The following DYNC1H1 variants were observed in gnomAD, a reference collection of about 807,000 sequenced individuals.
The protein encoded by DYNC1H1 is dynein cytoplasmic 1 heavy chain 1.
A neutral mutation model predicts 527.1 loss-of-function variants in DYNC1H1; 51 were observed. The ratio of observed to expected loss-of-function variants is 0.10; its 90% confidence interval spans 0.08 to 0.12. The LOEUF (loss-of-function observed/expected upper bound fraction) is 0.12, where lower values mean the gene tolerates loss of function less well. Ranked by LOEUF, DYNC1H1 falls within the 10% of genes least tolerant of loss-of-function variation. DYNC1H1 has a pLI of 1.00. For synonymous variants in DYNC1H1, 2,189 were observed against 2,278.8 expected, an observed-to-expected ratio of 0.96 and a Z score of 1.12; for missense variants, 2,771 against 5,971.8, an observed-to-expected ratio of 0.46 and a Z score of 17.66.
intron 42 of DYNC1H1, 62 bp from the exon 43 acceptor site, chr14:102,022,689 A>T: frequency 6.2e-7 from 1 of 1,612,058 alleles, no homozygotes; most frequent in Non-Finnish European, 8.5e-7. Flanking sequence ...AAACATGGTG[A>T]ACATGGTGCT....
chr14:101,968,132 G>T (rs2047688325), intron 1 of DYNC1H1, among the ~76,000 whole-genome samples: 1 of 152,158 alleles, frequency 6.6e-6, no homozygotes, highest in African/African-American at 2.4e-5. Context: ...GTTCGGTGGG[G>T]TATGCTTCAG....
chr14:102,028,254 G>A (rs1008550755), intron 48 of DYNC1H1, 113 bp downstream of exon 48: 89 of 1,284,094 alleles, frequency 6.9e-5, no homozygotes, highest in Non-Finnish European at 8.9e-5. Context: ...ACTCATGCCT[G>A]TAATCCCAGC....
chr14:101,984,424 T>TGTGG (rs2047906148), intron 7 of DYNC1H1, among the ~76,000 whole-genome samples: 1 of 133,632 alleles, frequency 7.5e-6, no homozygotes, highest in African/African-American at 3.0e-5. Context: ...TGTGTGTGTG[T>TGTGG]GTGTGTGTAT....
At chr14:102,034,640 T>C (rs2048550537) in intron 56 of DYNC1H1, 188 bp downstream of exon 56, 6 of 959,488 alleles carry the variant, frequency 6.3e-6, no homozygotes, top group Admixed American at 6.2e-5. Context: ...GTCTGAGTTA[T>C]TCTGCAGTGA....
rs986073091 is a variant in DYNC1H1, at chr14:102,038,138, C to A, written c.10909-322C>A. 7.8e-6 allele frequency: 3 copies of A among 384,712 alleles called. No individual in the cohort carries two copies. The highest frequency in any genetic ancestry group is 6.3e-5 in the African/African-American group (3 of 47,856). The allele number at this position is 384,712 out of a possible 1,614,324, so 23.8% of individuals were successfully genotyped here. On this transcript the variant is annotated intron_variant, in intron 57 of 77. Coordinates refer to ENST00000360184, the MANE Select transcript of DYNC1H1 (RefSeq NM_001376.5). The surrounding 1 kb of genome is among the most constrained non-coding windows in gnomAD (Gnocchi z 7.2). ...GACTACAGGCATGTGCCATACACCC[C>A]CAGCTAACTTTCGTATTTTTAGTAG...
intron 13 of DYNC1H1, 54 bp from the exon 14 acceptor site, chr14:101,994,932 A>T: frequency 6.2e-7 from 1 of 1,613,444 alleles, no homozygotes; most frequent in Non-Finnish European, 8.5e-7. Context: ...TTTGAAGGAT[A>T]AACACGCCAG....
chr14:102,041,918 ATCT>A lies in DYNC1H1; in HGVS notation c.12103-91_12103-89del, dbSNP rs2048655806. The A allele has an allele frequency of 4.0e-6, 6 of 1,512,108 alleles. No individual in the cohort carries two copies. The highest frequency in any genetic ancestry group is 2.3e-5 in the South Asian group (2 of 86,614). 93.7% of individuals were successfully genotyped at this position (1,512,108 alleles called of 1,614,324 possible). On this transcript the variant is annotated intron_variant, in intron 65 of 77. Transcript: ENST00000360184. The surrounding 1 kb of genome is among the most constrained non-coding windows in gnomAD (Gnocchi z 4.5). The stretch of plus-strand genomic sequence containing the variant: ...CCACACCTCTGGGCCCAGAAAGAAC[ATCT>A]TCTCAGGCCCCTCACTCGGGGCTCT...
At chr14:101,988,101 A>T (rs2047956495) in intron 9 of DYNC1H1, among the ~76,000 whole-genome samples, 1 of 152,200 alleles carries the variant, frequency 6.6e-6, no homozygotes, top group Non-Finnish European at 1.5e-5. Flanking sequence ...AAATTATGAT[A>T]CTACATGTCA....
rs560799807 is a variant in DYNC1H1, at chr14:102,003,936, A to G, written c.4884-582A>G. ...GCAAGACTCCATCTCAAAAAATAAA[A>G]AAGAGTTAATAAAGTAACTTACTGG... On this transcript the variant is annotated intron_variant, in intron 23 of 77. Coordinates refer to ENST00000360184, the MANE Select transcript of DYNC1H1 (RefSeq NM_001376.5). Among the ~76,000 whole-genome samples the G allele has an allele frequency of 6.4e-4, 92 of 143,846 alleles. No individual in the cohort carries two copies. The South Asian group carries it at 0.014, about 21-fold the overall frequency. 94.4% of individuals were successfully genotyped at this position (143,846 alleles called of 152,430 possible). A position where few individuals can be genotyped will look rare whatever the true frequency, so the allele number is the denominator to read the frequency against.
chr14:101,980,083 G>C (rs2047845994), intron 4 of DYNC1H1, 109 bp downstream of exon 4: 3 of 1,524,788 alleles, frequency 2.0e-6, no homozygotes, highest in Admixed American at 3.7e-5. Context: ...ACTTGTTAGT[G>C]GTGCCGCCTC....
Position 101,985,218 on chromosome 14 carries a change from T to C in DYNC1H1, c.1462-469T>C, listed in dbSNP as rs190953746. On this transcript the variant is annotated intron_variant, in intron 7 of 77. Transcript: ENST00000360184. This position sits in a 1 kb window ranked among gnomAD's most constrained non-coding sequence, Gnocchi z 5.9. Reference sequence around the variant, plus strand: ...ATTTAGTCTCTTTTTCAGAGAGTCCTTCTCTGTAAAACATGGATAGTAATT... The same window carrying C: ...ATTTAGTCTCTTTTTCAGAGAGTCCCTCTCTGTAAAACATGGATAGTAATT... 1.5e-3 allele frequency among the ~76,000 whole-genome samples: 232 copies of C among 152,334 alleles called. No individual in the cohort carries two copies. The highest frequency in any genetic ancestry group is 5.3e-3 in the African/African-American group (222 of 41,590).
Position 102,015,372 on chromosome 14 carries a change from T to C in DYNC1H1, c.7242+40T>C, listed in dbSNP as rs2048308518. On this transcript the variant is annotated intron_variant, in intron 35 of 77. Transcript: ENST00000360184. This position sits in a 1 kb window ranked among gnomAD's most constrained non-coding sequence, Gnocchi z 6.9. ...GACCCCACATATCATGACCTGAGGG[T>C]GCTAGGATATTCAGATGTGGTCTCG... 6.4e-7 allele frequency: 1 copy of C among 1,565,186 alleles called. No individual in the cohort carries two copies. Among genetic ancestry groups the C allele is most frequent in the African/African-American group, 1.4e-5 (1 of 73,872 alleles).
At chr14:101,968,449 G>T (rs1286444393) in intron 1 of DYNC1H1, among the ~76,000 whole-genome samples, 2 of 151,992 alleles carry the variant, frequency 1.3e-5, no homozygotes, top group African/African-American at 4.8e-5. Flanking sequence ...GCCCAGGCTG[G>T]TCTGGGACTT....
rs2048143502 is a variant in DYNC1H1, at chr14:102,002,484, A to G, written c.4543-53A>G. On this transcript the variant is annotated intron_variant, in intron 21 of 77. Transcript: ENST00000360184. The surrounding 1 kb of genome is among the most constrained non-coding windows in gnomAD (Gnocchi z 4.4). ...GCGCTTTTTCAGTGAGTTTTGGCAT[A>G]TCTGTGAGTAGAAGGGTCAGCAGTT... The G allele has an allele frequency of 1.2e-6, 2 of 1,610,836 alleles. No homozygotes were observed. Among genetic ancestry groups the G allele is most frequent in the Non-Finnish European group, 1.7e-6 (2 of 1,177,908 alleles).
At chr14:101,994,380 G>A (rs2048033406) in intron 12 of DYNC1H1, 56 bp downstream of exon 12, 1 of 1,611,788 alleles carries the variant, frequency 6.2e-7, no homozygotes, top group East Asian at 2.2e-5. Flanking sequence ...AGACACTTAA[G>A]AGTACAAGAT....
At position 102,050,522 on chromosome 14, in the gene DYNC1H1, A is replaced by G; in HGVS notation, c.13900A>G (p.Ser4634Gly). Residue 4634 changes from serine to glycine, a missense_variant, in exon 78 of 78, where the codon AGC becomes GGC. Ser to Gly is a moderately conservative substitution (Grantham distance 56). Coordinates refer to ENST00000360184, the MANE Select transcript of DYNC1H1 (RefSeq NM_001376.5). Reference protein sequence around the residue: ...FEIATKEDPRSFYERGVAVLC... With the variant: ...FEIATKEDPRGFYERGVAVLC... ...AATTGCTACAAAGGAGGATCCTCGCAGCTTCTACGAGCGGGGTGTCGCAGT... is the reference window on the plus strand; with the variant it reads ...AATTGCTACAAAGGAGGATCCTCGCGGCTTCTACGAGCGGGGTGTCGCAGT... The G allele has an allele frequency of 6.2e-7, 1 of 1,614,246 alleles. No homozygotes were observed.
Position 102,026,632 on chromosome 14 carries a change from T to A in DYNC1H1, c.8696T>A (p.Val2899Asp). The part of the protein sequence containing the change: ...LRDYVKARLK[V>D]FYEEELDVPL... Reference sequence around the variant, plus strand: ...GATTATGTCAAAGCTAGGCTGAAGGTCTTTTATGAAGAAGAACTTGATGTT... The same window carrying A: ...GATTATGTCAAAGCTAGGCTGAAGGACTTTTATGAAGAAGAACTTGATGTT... Residue 2899 changes from valine (V) to aspartate (D), a missense_variant, in exon 44 of 78, where the codon GTC (valine) becomes GAC (aspartate). Around this residue, in one of 32 missense-constraint regions of DYNC1H1, gnomAD observed 84 missense variants for 285.4 expected, o/e 0.29. Coordinates refer to ENST00000360184, the MANE Select transcript of DYNC1H1 (RefSeq NM_001376.5). The A allele has an allele frequency of 6.2e-7, 1 of 1,614,166 alleles. No individual in the cohort carries two copies. The highest frequency in any genetic ancestry group is 8.5e-7 in the Non-Finnish European group (1 of 1,180,022).
Position 102,001,005 on chromosome 14 carries a change from C to A in DYNC1H1, c.4126C>A (p.Arg1376=). 1 of 1,614,196 alleles carries A rather than the reference C, an allele frequency of 6.2e-7. No individual in the cohort carries two copies. Among genetic ancestry groups the A allele is most frequent in the Non-Finnish European group, 8.5e-7 (1 of 1,180,038 alleles). ...LLNQLKSFPA[R]LRQYASYEFV... Reference sequence around the variant, plus strand: ...GAACCAGCTGAAAAGCTTCCCTGCCCGGTTGCGACAGTATGCGTCCTATGA... The same window carrying A: ...GAACCAGCTGAAAAGCTTCCCTGCCAGGTTGCGACAGTATGCGTCCTATGA... The change falls in exon 19 of 78, where the codon CGG becomes AGG. Residue 1376 remains arginine (R), a synonymous_variant. Coordinates refer to ENST00000360184, the MANE Select transcript of DYNC1H1 (RefSeq NM_001376.5). This position sits in a 1 kb window ranked among gnomAD's most constrained non-coding sequence, Gnocchi z 5.0.
At chr14:102,031,639 A>G (rs2048511746) in intron 51 of DYNC1H1, among the ~76,000 whole-genome samples, 1 of 152,178 alleles carries the variant, frequency 6.6e-6, no homozygotes, top group South Asian at 2.1e-4. Context: ...TTGCACTTAA[A>G]ATATTTTGTA....
Sources: allele counts gnomAD v4.1 joint callset (sites outside exome capture counted in the v4.1 genomes callset), GRCh38; gene constraint gnomAD v4.1.1; regional missense constraint gnomAD v4.1.1; non-coding constraint Gnocchi (gnomAD v3.1); transcripts MANE v1.5; gene names NCBI Gene and HGNC (gene_info 2026-07-23, HGNC 2026-07-21).